Variants in CACNA2D1 observed in about 807,000 individuals in gnomAD.
CACNA2D1 encodes voltage-dependent calcium channel subunit alpha-2/delta-1.
Under a neutral mutation model 171.5 loss-of-function variants are expected in CACNA2D1, and 53 were observed. The ratio of observed to expected loss-of-function variants is 0.31; its 90% CI spans 0.25 to 0.39. The LOEUF (loss-of-function observed/expected upper bound fraction) is 0.39, where lower values mean the gene tolerates loss of function less well. Among genes scored for constraint, CACNA2D1 ranks in the 10% least tolerant of loss-of-function variants. The probability of loss-of-function intolerance (pLI) is 1.00; values close to 1 mark genes in which losing one functional copy is unlikely to be tolerated. For synonymous variants in CACNA2D1, 442 were observed against 443.1 expected, an observed-to-expected ratio of 1.00 and a Z score of 0.03; for missense variants, 903 against 1,299.8, an observed-to-expected ratio of 0.69 and a Z score of 4.69.
chr7:82,180,170 A>G (rs1035700775), intron 3 of CACNA2D1, among the ~76,000 whole-genome samples: 1 of 152,140 alleles, frequency 6.6e-6, no homozygotes, highest in Admixed American at 6.6e-5. Flanking sequence ...ATATAGAGAT[A>G]GTGTCTCCCT....
intron 30 of CACNA2D1, 114 bp downstream of exon 30, chr7:81,967,482 T>G: frequency 1.5e-6 from 1 of 663,560 alleles, no homozygotes; most frequent in Admixed American, 2.8e-5. Context: ...AGAATTCTAC[T>G]TCAGTGTAGT....
Position 82,029,660 on chromosome 7 carries a change from C to G in CACNA2D1, c.1143+3137G>C, listed in dbSNP as rs367993017. 2.0e-5 allele frequency: 3 copies of G among 151,860 alleles called. No homozygotes were observed. In the East Asian group the frequency reaches 5.8e-4, roughly 29 times the overall value. The allele number at this position is 151,860 out of a possible 1,614,324, so 9.4% of individuals were successfully genotyped here. A position where few individuals can be genotyped will look rare whatever the true frequency, so the allele number is the denominator to read the frequency against. ...AGAGAGGTCATGCCAAAGCTATATA[C>G]ATGGTTCCTTGTTCCTGGAGGGGAT... On this transcript the variant is annotated intron_variant, in intron 12 of 38. Coordinates refer to ENST00000356860, the MANE Select transcript of CACNA2D1 (RefSeq NM_000722.4).
rs869125211 is a variant in CACNA2D1 at position 82,111,444 on chromosome 7, ATTT to A, written c.526+5597_526+5599del. Among the ~76,000 whole-genome samples, 578 of 69,936 alleles carry A rather than the reference ATTT, an allele frequency of 8.3e-3. 26 individuals carry two copies. The highest frequency in any genetic ancestry group is 0.033 in the African/African-American group (486 of 14,734). The allele number at this position is 69,936 out of a possible 152,430, so 45.9% of individuals were successfully genotyped here. A position where few individuals can be genotyped will look rare whatever the true frequency, so the allele number is the denominator to read the frequency against. The stretch of plus-strand genomic sequence containing the variant: ...TATATGTGTGTATATATATATATAT[ATTT>A]TTTTTTTTTTTTTTTTTTGAGACAG... On this transcript the variant is annotated intron_variant, in intron 6 of 38. Coordinates refer to ENST00000356860, the MANE Select transcript of CACNA2D1 (RefSeq NM_000722.4).
chr7:82,174,944 A>G (rs951694963), intron 3 of CACNA2D1, among the ~76,000 whole-genome samples: 1 of 152,026 alleles, frequency 6.6e-6, no homozygotes, highest in Non-Finnish European at 1.5e-5. Flanking sequence ...TCATATCTTC[A>G]TCTTTTCCAT....
intron 3 of CACNA2D1, among the ~76,000 whole-genome samples, chr7:82,282,554 G>A (rs1056459490): frequency 6.6e-6 from 1 of 151,952 alleles, no homozygotes; most frequent in Admixed American, 6.6e-5. Context: ...GCAGAAGGAG[G>A]GCGTGTCTGA....
In CACNA2D1 at chr7:82,155,838, A is replaced by G. The variant is rs146237571; in HGVS notation, c.354+14712T>C. On this transcript the variant is annotated intron_variant, in intron 4 of 38. Coordinates refer to ENST00000356860, the MANE Select transcript of CACNA2D1 (RefSeq NM_000722.4). ...CTGTCTTAATTACTGTGTATTTTGC[A>G]AAGAGCAGCTGAAACAGACAACTAC... is the stretch of plus-strand genomic sequence containing the variant. Among the ~76,000 whole-genome samples, 7 of 152,328 alleles carry G rather than the reference A, an allele frequency of 4.6e-5. No individual in the cohort carries two copies. The East Asian group carries it at 1.4e-3, about 29-fold the overall frequency.
intron 1 of CACNA2D1, among the ~76,000 whole-genome samples, chr7:82,414,152 C>T (rs995174076): frequency 6.6e-6 from 1 of 152,054 alleles, no homozygotes; most frequent in Admixed American, 6.6e-5. Context: ...CATTCACCAA[C>T]CTAAAGGCAA....
At chr7:82,237,708 C>T (rs1374177124) in intron 3 of CACNA2D1, among the ~76,000 whole-genome samples, 1 of 151,868 alleles carries the variant, frequency 6.6e-6, no homozygotes, top group Non-Finnish European at 1.5e-5. Flanking sequence ...ATGCTATAAC[C>T]TATAAGTAAC....
intron 1 of CACNA2D1, among the ~76,000 whole-genome samples, chr7:82,403,445 G>C (rs1826670763): frequency 6.6e-6 from 1 of 152,112 alleles, no homozygotes; most frequent in African/African-American, 2.4e-5. Flanking sequence ...AGTTTAGTTA[G>C]GACTCCAGTT....
At chr7:81,958,341 AAAT>A (rs1297419878) in intron 38 of CACNA2D1, among the ~76,000 whole-genome samples, 5 of 152,076 alleles carry the variant, frequency 3.3e-5, no homozygotes, top group African/African-American at 1.2e-4. Context: ...TAGGTAAACT[AAAT>A]AACTCAAATA....
intron 36 of CACNA2D1, among the ~76,000 whole-genome samples, chr7:81,960,757 T>C (rs1333292780): frequency 6.6e-6 from 1 of 152,050 alleles, no homozygotes; most frequent in Non-Finnish European, 1.5e-5. Flanking sequence ...TTGCTGGATG[T>C]CAATTAATAA....
chr7:82,282,165 A>AC (rs1168303131), intron 3 of CACNA2D1, among the ~76,000 whole-genome samples: 1 of 151,630 alleles, frequency 6.6e-6, no homozygotes, highest in African/African-American at 2.4e-5. Context: ...GGATGTGGTG[A>AC]CCCCCGCCTG....
At chr7:81,980,097 ATATG>A (rs55991959) in intron 24 of CACNA2D1, among the ~76,000 whole-genome samples, 95,130 of 143,548 alleles carry the variant, frequency 0.66, 31,664 homozygotes, top group African/African-American at 0.73. Flanking sequence ...AGCGGGATGC[ATATG>A]TATGTATGTG....
At chr7:82,022,436 A>G (rs550613665) in intron 12 of CACNA2D1, among the ~76,000 whole-genome samples, 5 of 152,078 alleles carry the variant, frequency 3.3e-5, no homozygotes, top group African/African-American at 4.8e-5. Flanking sequence ...TATCTGAAAC[A>G]AAAGTTTTTA....
chr7:82,122,181 A>G (rs1789817987), intron 5 of CACNA2D1, among the ~76,000 whole-genome samples: 1 of 152,224 alleles, frequency 6.6e-6, no homozygotes, highest in South Asian at 2.1e-4. Context: ...ACTGTAGGGA[A>G]TATTAAAACA....
chr7:82,044,822 T>C (rs548321234), intron 10 of CACNA2D1, among the ~76,000 whole-genome samples: 1 of 152,312 alleles, frequency 6.6e-6, no homozygotes, highest in African/African-American at 2.4e-5. Flanking sequence ...ATATTTTTCA[T>C]AGTAGATTTG....
intron 3 of CACNA2D1, among the ~76,000 whole-genome samples, chr7:82,281,548 C>A (rs1345672152): frequency 6.6e-6 from 1 of 152,132 alleles, no homozygotes; most frequent in Non-Finnish European, 1.5e-5. Flanking sequence ...GATTAAAAAG[C>A]AACATTATGC....
chr7:82,419,856 G>A (rs781279815), intron 1 of CACNA2D1, among the ~76,000 whole-genome samples: 12 of 152,130 alleles, frequency 7.9e-5, no homozygotes, highest in Non-Finnish European at 1.5e-4. Context: ...TTAGATCAGT[G>A]GTTTTCAACC....
chr7:82,122,011 T>C (rs932573126), intron 5 of CACNA2D1, among the ~76,000 whole-genome samples: 1 of 152,122 alleles, frequency 6.6e-6, no homozygotes, highest in African/African-American at 2.4e-5. Context: ...ACAATTCTAG[T>C]TTTTAAAGAT....
Sources: gnomAD v4.1 joint callset for allele counts (sites outside exome capture counted in the v4.1 genomes callset) on GRCh38, gnomAD v4.1.1 for gene constraint, MANE v1.5 for transcripts, NCBI Gene and HGNC (gene_info 2026-07-23, HGNC 2026-07-21) for gene names.